The following NPAS3 variants were observed in gnomAD, a reference collection of about 807,000 sequenced individuals.
The protein encoded by NPAS3 is neuronal PAS domain-containing protein 3.
NPAS3 carries 14 observed loss-of-function variants against 73.1 expected under a neutral mutation model. The observed-to-expected ratio is 0.19, with a 90% CI of 0.13 to 0.30. The LOEUF is 0.30. Among genes scored for constraint, NPAS3 ranks in the 10% least tolerant of loss-of-function variants. NPAS3 has a pLI of 1.00. For synonymous variants in NPAS3, 620 were observed against 541.5 expected (o/e 1.14, Z -2.01); for missense variants, 1,096 against 1,250.0 (o/e 0.88, Z 1.86).
At chr14:33,728,492 T>A (rs761084504) in intron 6 of NPAS3, among the ~76,000 whole-genome samples, 27 of 152,274 alleles carry the variant, frequency 1.8e-4, no homozygotes, top group Middle Eastern at 3.4e-3. Flanking sequence ...GACACTTTTG[T>A]TGGACTCCAG....
At chr14:32,964,781 C>G (rs1171204943) in intron 1 of NPAS3, among the ~76,000 whole-genome samples, 1 of 150,766 alleles carries the variant, frequency 6.6e-6, no homozygotes, top group Non-Finnish European at 1.5e-5. Context: ...TCAAGACCAG[C>G]TTGGGCAACA....
intron 3 of NPAS3, among the ~76,000 whole-genome samples, chr14:33,312,441 C>T (rs897518591): frequency 4.6e-5 from 7 of 151,832 alleles, no homozygotes; most frequent in Admixed American, 2.0e-4. Flanking sequence ...TAGATAATCA[C>T]ACCTGTAGGC....
chr14:33,765,014 A>G (rs754964189), intron 7 of NPAS3, among the ~76,000 whole-genome samples: 60 of 152,206 alleles, frequency 3.9e-4, no homozygotes, highest in Non-Finnish European at 7.3e-4. Flanking sequence ...CAGCTTAGTT[A>G]AACTATCCCA....
intron 4 of NPAS3, among the ~76,000 whole-genome samples, chr14:33,494,752 C>G (rs564146873): frequency 4.6e-5 from 7 of 152,046 alleles, no homozygotes; most frequent in South Asian, 2.1e-4. Flanking sequence ...ACATTCCTTA[C>G]AAAGTCTAAA....
intron 4 of NPAS3, among the ~76,000 whole-genome samples, chr14:33,401,490 G>A (rs1375548179): frequency 1.3e-5 from 2 of 152,020 alleles, no homozygotes; most frequent in African/African-American, 4.8e-5. Flanking sequence ...AATTAGTAAT[G>A]TCATGCTCCT....
intron 3 of NPAS3, among the ~76,000 whole-genome samples, chr14:33,215,879 A>G (rs1258534905): frequency 1.3e-5 from 2 of 152,200 alleles, no homozygotes; most frequent in East Asian, 1.9e-4. Flanking sequence ...TTATTGACCA[A>G]TGAAAATCAA....
chr14:33,519,799 C>A (rs1017147088), intron 4 of NPAS3, among the ~76,000 whole-genome samples: 7 of 152,132 alleles, frequency 4.6e-5, no homozygotes, highest in Non-Finnish European at 4.4e-5. Context: ...ATAACAAACA[C>A]CCACATTTGT....
chr14:33,201,568 G>A (rs2046617636), intron 2 of NPAS3, among the ~76,000 whole-genome samples: 1 of 152,142 alleles, frequency 6.6e-6, no homozygotes, highest in African/African-American at 2.4e-5. Context: ...AGAAAAGATA[G>A]GTATATTTAA....
intron 2 of NPAS3, among the ~76,000 whole-genome samples, chr14:33,209,442 C>G (rs914463695): frequency 6.6e-6 from 1 of 152,116 alleles, no homozygotes; most frequent in Non-Finnish European, 1.5e-5. Flanking sequence ...TGGGAAGGCT[C>G]CTCATTCGGC....
chr14:33,720,573 A>G (rs2061079994), intron 6 of NPAS3, among the ~76,000 whole-genome samples: 1 of 152,140 alleles, frequency 6.6e-6, no homozygotes, highest in East Asian at 1.9e-4. Context: ...TCTTCATTGT[A>G]TTGTTTTTAC....
chr14:33,287,740 T>C (rs1269225582), intron 3 of NPAS3, among the ~76,000 whole-genome samples: 1 of 151,826 alleles, frequency 6.6e-6, no homozygotes, highest in African/African-American at 2.4e-5. Flanking sequence ...TCAGAGCTAA[T>C]AATTCATTTT....
intron 3 of NPAS3, among the ~76,000 whole-genome samples, chr14:33,363,697 C>G (rs1219559735): frequency 2.0e-5 from 3 of 152,100 alleles, no homozygotes; most frequent in African/African-American, 2.4e-5. Flanking sequence ...TTAAGTTTTG[C>G]AACACTAATT....
At chr14:33,580,735 C>G (rs969854788) in intron 5 of NPAS3, among the ~76,000 whole-genome samples, 2 of 152,170 alleles carry the variant, frequency 1.3e-5, no homozygotes, top group African/African-American at 2.4e-5. Context: ...GCTCCAACTT[C>G]GACCTAGAAC....
At chr14:33,089,267 T>C (rs118179812) in intron 2 of NPAS3, among the ~76,000 whole-genome samples, 4,064 of 152,262 alleles carry the variant, frequency 0.027, 67 homozygotes, top group Non-Finnish European at 0.04. Flanking sequence ...ATTAGATGAA[T>C]GGCTAACTAG....
chr14:33,343,793 A>G (rs2044603653), intron 3 of NPAS3, among the ~76,000 whole-genome samples: 1 of 152,200 alleles, frequency 6.6e-6, no homozygotes, highest in African/African-American at 2.4e-5. Flanking sequence ...TTATCCGTGT[A>G]GAAGTTTGTA....
chr14:33,427,457 T>C (rs1424273028), intron 4 of NPAS3, among the ~76,000 whole-genome samples: 1 of 151,778 alleles, frequency 6.6e-6, no homozygotes, highest in South Asian at 2.1e-4. Flanking sequence ...TATACGGTGC[T>C]GTGTTTTGGA....
At chr14:33,335,035 TGTGTGTGC>T (rs1406593475) in intron 3 of NPAS3, among the ~76,000 whole-genome samples, 11 of 116,528 alleles carry the variant, frequency 9.4e-5, no homozygotes, top group African/African-American at 3.4e-4. Flanking sequence ...TTCCATTGTG[TGTGTGTGC>T]GTGTGTGTGT....
chr14:33,004,303 A>G (rs1215092972), intron 1 of NPAS3, among the ~76,000 whole-genome samples: 1 of 152,204 alleles, frequency 6.6e-6, no homozygotes, highest in Non-Finnish European at 1.5e-5. Context: ...CCTGCTACAC[A>G]CTAGGATATA....
At chr14:33,713,257 G>A (rs763789709) in intron 6 of NPAS3, among the ~76,000 whole-genome samples, 2 of 152,204 alleles carry the variant, frequency 1.3e-5, no homozygotes, top group South Asian at 2.1e-4. Context: ...ATGGTCCAAC[G>A]TGATTACAAA....
Sources: allele counts gnomAD v4.1 joint callset (sites outside exome capture counted in the v4.1 genomes callset), GRCh38; gene constraint gnomAD v4.1.1; transcripts MANE v1.5; gene names NCBI Gene and HGNC (gene_info 2026-07-23, HGNC 2026-07-21).